The following MAP3K4 variants were observed in gnomAD, a reference collection of about 807,000 sequenced individuals.
The protein encoded by MAP3K4 is mitogen-activated protein kinase kinase kinase 4.
MAP3K4 carries 67 observed loss-of-function variants against 185.6 expected under a neutral mutation model. The observed-to-expected ratio is 0.36, with a 90% CI of 0.30 to 0.44. The LOEUF (loss-of-function observed/expected upper bound fraction) is 0.44. Among genes scored for constraint, MAP3K4 ranks in the 20% least tolerant of loss-of-function variants. The probability of loss-of-function intolerance (pLI) is 1.00; values close to 1 mark genes in which losing one functional copy is unlikely to be tolerated. For synonymous variants in MAP3K4, 702 were observed against 710.4 expected (o/e 0.99, Z 0.19); for missense variants, 1,551 against 1,995.1 (o/e 0.78, Z 4.24).
rs1178387848 is a variant in MAP3K4 at position 161,080,878 on chromosome 6, A to C, written c.2098-3A>C. ...TGTCTCCCTTTACTTTTTGTGTTTTAAGGTGTATTTTGATTACATGAGAAG... is the reference window on the plus strand; with the variant it reads ...TGTCTCCCTTTACTTTTTGTGTTTTCAGGTGTATTTTGATTACATGAGAAG... On this transcript the variant is annotated splice_polypyrimidine_tract_variant and splice_region_variant and intron_variant, in intron 5 of 26. Coordinates refer to ENST00000392142, the MANE Select transcript of MAP3K4 (RefSeq NM_005922.4). The surrounding 1 kb of genome is among the most constrained non-coding windows in gnomAD (Gnocchi z 4.8). 1.2e-6 allele frequency: 2 copies of C among 1,613,072 alleles called. No homozygotes were observed. Among genetic ancestry groups the C allele is most frequent in the African/African-American group, 2.7e-5 (2 of 74,872 alleles).
Position 161,034,846 on chromosome 6 carries a change from G to A in MAP3K4, c.343+397G>A, listed in dbSNP as rs115962696. 0.022 allele frequency among the ~76,000 whole-genome samples: 3,417 copies of A among 152,230 alleles called. 138 individuals are homozygous for A. The highest frequency in any genetic ancestry group is 0.079 in the African/African-American group (3,273 of 41,514). On this transcript the variant is annotated intron_variant, in intron 2 of 26. Transcript: ENST00000392142. This position sits in a 1 kb window ranked among gnomAD's most constrained non-coding sequence, Gnocchi z 4.4. ...GGGATTTGAGGAGAGACAGAGCCAG[G>A]CTGTCTTCCCCTGGATTCCCTCTGC...
At position 161,049,300 on chromosome 6, in the gene MAP3K4, A is replaced by G; in HGVS notation, c.1028A>G (p.His343Arg). ...GTAGGTTACTCAACACATCATGAGC[A>G]TCTCCAACGCCAGAGGGTCTCATTT... Reference protein sequence around the residue: ...KIVGYSTHHEHLQRQRVSFEQ... With the variant: ...KIVGYSTHHERLQRQRVSFEQ... Residue 343 changes from histidine (H) to arginine (R), a missense_variant, in exon 3 of 27, where the codon CAT (histidine) becomes CGT (arginine). By Grantham distance (29) the His-to-Arg change is conservative. Transcript: ENST00000392142. This position sits in a 1 kb window ranked among gnomAD's most constrained non-coding sequence, Gnocchi z 8.4. The G allele has an allele frequency of 6.2e-7, 1 of 1,614,174 alleles. No homozygotes were observed. Among genetic ancestry groups the G allele is most frequent in the Non-Finnish European group, 8.5e-7 (1 of 1,180,016 alleles).
intron 1 of MAP3K4, among the ~76,000 whole-genome samples, chr6:161,020,471 A>G (rs532608877): frequency 6.6e-6 from 1 of 152,112 alleles, no homozygotes; most frequent in Non-Finnish European, 1.5e-5. Context: ...CATCCTGGCC[A>G]ACATGGTGAA....
At chr6:161,081,339 C>T (rs1367814210) in intron 6 of MAP3K4, among the ~76,000 whole-genome samples, 1 of 152,084 alleles carries the variant, frequency 6.6e-6, no homozygotes, top group Non-Finnish European at 1.5e-5. Context: ...CACAGAACAG[C>T]CCCACAACAG....
At chr6:161,040,600 A>G (rs1783406475) in intron 2 of MAP3K4, among the ~76,000 whole-genome samples, 1 of 152,204 alleles carries the variant, frequency 6.6e-6, no homozygotes, top group Admixed American at 6.5e-5. Flanking sequence ...CCTAGATAAC[A>G]TTTACCATGA....
At position 161,115,607 on chromosome 6, in the gene MAP3K4, C is replaced by G. The variant is rs1778559155; in HGVS notation, c.4806+305C>G. On this transcript the variant is annotated intron_variant, in intron 26 of 26. Transcript: ENST00000392142. The surrounding 1 kb of genome is among the most constrained non-coding windows in gnomAD (Gnocchi z 6.0). ...AGAGTGTATAGTCTACTTGGAGGGT[C>G]AAGACGGTAATGACTAATCATTATA... Among the ~76,000 whole-genome samples the G allele has an allele frequency of 2.0e-5, 3 of 152,070 alleles. No homozygotes were observed. The South Asian group carries it at 6.2e-4, about 32-fold the overall frequency.
rs969112370 is a variant in MAP3K4 at position 161,106,447 on chromosome 6, G to A, written c.3857-67G>A. 9.3e-6 allele frequency: 11 copies of A among 1,180,630 alleles called. No homozygotes were observed. In the African/African-American group the frequency reaches 1.5e-4, roughly 17 times the overall value. 73.1% of individuals were successfully genotyped at this position (1,180,630 alleles called of 1,614,324 possible). A position where few individuals can be genotyped will look rare whatever the true frequency, so the allele number is the denominator to read the frequency against. ...AATATATATTGCTCTATTTTTATTG[G>A]TTTGTCTTTTGGAAACTGACTTGAT... On this transcript the variant is annotated intron_variant, in intron 19 of 26. Coordinates refer to ENST00000392142, the MANE Select transcript of MAP3K4 (RefSeq NM_005922.4). This position sits in a 1 kb window ranked among gnomAD's most constrained non-coding sequence, Gnocchi z 4.9.
rs772394593 is a variant in MAP3K4 at position 161,049,399 on chromosome 6, A to G, written c.1127A>G (p.Lys376Arg). Reference sequence around the variant, plus strand: ...TATCCATCATTGCAGGCTCTTCAGAAGGACTATGAAAAATATGCTGCAAAA... The same window carrying G: ...TATCCATCATTGCAGGCTCTTCAGAGGGACTATGAAAAATATGCTGCAAAA... ...ALYPSLQALQ[K>R]DYEKYAAKDF... The change falls in exon 3 of 27, where the codon AAG becomes AGG. Residue 376 changes from lysine (K) to arginine (R), a missense_variant. Coordinates refer to ENST00000392142, the MANE Select transcript of MAP3K4 (RefSeq NM_005922.4). This position sits in a 1 kb window ranked among gnomAD's most constrained non-coding sequence, Gnocchi z 8.4. 6.2e-7 allele frequency: 1 copy of G among 1,614,150 alleles called. No homozygotes were observed. Among genetic ancestry groups the G allele is most frequent in the Admixed American group, 1.7e-5 (1 of 60,018 alleles).
intron 15 of MAP3K4, among the ~76,000 whole-genome samples, chr6:161,094,743 G>A (rs1777494569): frequency 1.3e-5 from 2 of 152,208 alleles, no homozygotes; most frequent in East Asian, 1.9e-4. Context: ...TTTCTCCCAA[G>A]GTTGTCGTGA....
rs1285284027 is a variant in MAP3K4 at position 161,053,958 on chromosome 6, C to T, written c.1707+3979C>T. On this transcript the variant is annotated intron_variant, in intron 3 of 26. Coordinates refer to ENST00000392142, the MANE Select transcript of MAP3K4 (RefSeq NM_005922.4). The surrounding 1 kb of genome is among the most constrained non-coding windows in gnomAD (Gnocchi z 4.2). ...AAGGTACCACAGATTGTACATAATGCATATTTTGCAGTTTTTGTGGTTTCG... is the reference window on the plus strand; with the variant it reads ...AAGGTACCACAGATTGTACATAATGTATATTTTGCAGTTTTTGTGGTTTCG... Among the ~76,000 whole-genome samples the T allele has an allele frequency of 6.6e-6, 1 of 152,030 alleles. No individual in the cohort carries two copies. Among genetic ancestry groups the T allele is most frequent in the East Asian group, 1.9e-4 (1 of 5,176 alleles).
rs1265023322 is a variant in MAP3K4, at chr6:161,075,580, G to A, written c.2097+1968G>A. 2.0e-5 allele frequency among the ~76,000 whole-genome samples: 3 copies of A among 152,206 alleles called. No individual in the cohort carries two copies. Among genetic ancestry groups the A allele is most frequent in the Non-Finnish European group, 2.9e-5 (2 of 68,032 alleles). ...CCAGAAGTTTAAGAAGACAGAATAT[G>A]CTTTGCTTCGTAAACTGTGTTTGCT... On this transcript the variant is annotated intron_variant, in intron 5 of 26. Coordinates refer to ENST00000392142, the MANE Select transcript of MAP3K4 (RefSeq NM_005922.4). The surrounding 1 kb of genome is among the most constrained non-coding windows in gnomAD (Gnocchi z 4.3).
At position 161,103,860 on chromosome 6, in the gene MAP3K4, G is replaced by A. The variant is rs1777936527; in HGVS notation, c.3856+1081G>A. Among the ~76,000 whole-genome samples, 1 of 152,220 alleles carries A rather than the reference G, an allele frequency of 6.6e-6. No individual in the cohort carries two copies. The highest frequency in any genetic ancestry group is 1.9e-4 in the East Asian group (1 of 5,200). ...GTGGGATTTAAAAGAGGTAATGGCA[G>A]CAAGAAACAACTTTGGTGCAACCAC... On this transcript the variant is annotated intron_variant, in intron 19 of 26. Coordinates refer to ENST00000392142, the MANE Select transcript of MAP3K4 (RefSeq NM_005922.4). The surrounding 1 kb of genome is among the most constrained non-coding windows in gnomAD (Gnocchi z 4.6).
At chr6:161,010,468 CTA>C (rs1781794416) in intron 1 of MAP3K4, among the ~76,000 whole-genome samples, 2 of 149,610 alleles carry the variant, frequency 1.3e-5, no homozygotes, top group East Asian at 3.9e-4. Context: ...TGGTTCAAAA[CTA>C]TAGGTATATG....
rs900099465 is a variant in MAP3K4 at position 161,103,152 on chromosome 6, A to G, written c.3856+373A>G. Among the ~76,000 whole-genome samples the G allele has an allele frequency of 1.3e-5, 2 of 152,244 alleles. No individual in the cohort carries two copies. The highest frequency in any genetic ancestry group is 4.8e-5 in the African/African-American group (2 of 41,456). ...AGCATGTGATTAATATTATCAAAAGAACAAATAGCAGAAAAATCATTGGTC... is the reference window on the plus strand; with the variant it reads ...AGCATGTGATTAATATTATCAAAAGGACAAATAGCAGAAAAATCATTGGTC... On this transcript the variant is annotated intron_variant, in intron 19 of 26. Transcript: ENST00000392142. This position sits in a 1 kb window ranked among gnomAD's most constrained non-coding sequence, Gnocchi z 4.6.
intron 1 of MAP3K4, among the ~76,000 whole-genome samples, chr6:161,005,582 G>A (rs992503774): frequency 3.9e-5 from 6 of 152,122 alleles, no homozygotes; most frequent in Non-Finnish European, 7.4e-5. Context: ...TCAAGCTGAT[G>A]TGATTATTGA....
intron 2 of MAP3K4, among the ~76,000 whole-genome samples, chr6:161,044,138 A>G (rs1783613595): frequency 6.6e-6 from 1 of 152,192 alleles, no homozygotes; most frequent in African/African-American, 2.4e-5. Flanking sequence ...GCCAAAGGAA[A>G]AAGTGTTCCA....
At chr6:161,099,884 A>G (rs980106978) in intron 17 of MAP3K4, among the ~76,000 whole-genome samples, 9 of 152,268 alleles carry the variant, frequency 5.9e-5, no homozygotes, top group Non-Finnish European at 1.3e-4. Context: ...TCTTTGCAGA[A>G]GCAGTTTTTC....
intron 1 of MAP3K4, among the ~76,000 whole-genome samples, chr6:160,998,861 A>C (rs1423878134): frequency 2.6e-5 from 4 of 152,182 alleles, no homozygotes; most frequent in Admixed American, 2.0e-4. Context: ...ACCCCTGCAG[A>C]TCTCACACTG....
intron 1 of MAP3K4, among the ~76,000 whole-genome samples, chr6:161,013,932 A>G (rs1781965384): frequency 6.6e-6 from 1 of 152,150 alleles, no homozygotes. Context: ...TGGAAAGCAG[A>G]TTCTGCCCCA....
Sources: gnomAD v4.1 joint callset for allele counts (sites outside exome capture counted in the v4.1 genomes callset) on GRCh38, gnomAD v4.1.1 for gene constraint, Gnocchi (gnomAD v3.1) non-coding constraint, MANE v1.5 for transcripts, NCBI Gene and HGNC (gene_info 2026-07-23, HGNC 2026-07-21) for gene names.